Variants in ADAMTSL3 observed in about 807,000 individuals in gnomAD.
ADAMTSL3 encodes ADAMTS-like protein 3.
In ADAMTSL3, 128 loss-of-function variants were observed where a neutral mutation model predicts 201.7. That is an observed-to-expected ratio of 0.63 (90% CI 0.55 to 0.73). ADAMTSL3 has a LOEUF of 0.73. Ranked by LOEUF, ADAMTSL3 falls within the 30% of genes least tolerant of loss-of-function variation. The probability of loss-of-function intolerance (pLI) is 0.00; values close to 1 mark genes in which losing one functional copy is unlikely to be tolerated. For synonymous variants in ADAMTSL3, 738 were observed against 748.4 expected (o/e 0.99, Z 0.23); for missense variants, 1,990 against 2,119.6 (o/e 0.94, Z 1.20).
chr15:83,946,461 A>G (rs1486605457), intron 19 of ADAMTSL3, among the ~76,000 whole-genome samples: 1 of 152,138 alleles, frequency 6.6e-6, no homozygotes, highest in Non-Finnish European at 1.5e-5. Context: ...CAGTGACCCT[A>G]ATTTTTACTG....
rs577768133 is a variant in ADAMTSL3, at chr15:83,731,634, A to C, written c.189+27126A>C. Among the ~76,000 whole-genome samples the C allele has an allele frequency of 6.6e-5, 10 of 152,262 alleles. No homozygotes were observed. In the South Asian group the frequency reaches 2.1e-3, roughly 32 times the overall value. ...TGTTCATTGCAGTGTTATACTCAAT[A>C]GCCAAGATATGGCAATAACTTAAGT... On this transcript the variant is annotated intron_variant, in intron 3 of 29. Transcript: ENST00000286744.
chr15:84,006,631 A>G (rs1174234386), intron 23 of ADAMTSL3, among the ~76,000 whole-genome samples: 1 of 152,206 alleles, frequency 6.6e-6, no homozygotes, highest in African/African-American at 2.4e-5. Flanking sequence ...AATGTTGAAT[A>G]TATCAGAGCT....
rs2063377253 is a variant in ADAMTSL3, at chr15:83,793,561, C to G, written c.318-11089C>G. ...GTGCGATCTCTGCTCACTGCAGCCT[C>G]CGCCTCCCAGGTTCAAGCGATTCTC... On this transcript the variant is annotated intron_variant, in intron 4 of 29. Transcript: ENST00000286744. Among the ~76,000 whole-genome samples the G allele has an allele frequency of 2.0e-5, 3 of 152,198 alleles. No homozygotes were observed. The South Asian group carries it at 6.2e-4, about 32-fold the overall frequency.
intron 22 of ADAMTSL3, among the ~76,000 whole-genome samples, chr15:83,990,330 G>A (rs2067559725): frequency 6.6e-6 from 1 of 152,106 alleles, no homozygotes. Flanking sequence ...CCTGGCTGTG[G>A]CACCATATTC....
chr15:83,915,728 T>A (rs941704915), intron 16 of ADAMTSL3, among the ~76,000 whole-genome samples: 1 of 152,214 alleles, frequency 6.6e-6, no homozygotes, highest in South Asian at 2.1e-4. Context: ...GGACGTTGCA[T>A]GTAATGGGAT....
intron 3 of ADAMTSL3, among the ~76,000 whole-genome samples, chr15:83,735,222 A>G (rs534776498): frequency 6.6e-6 from 1 of 152,274 alleles, no homozygotes; most frequent in Non-Finnish European, 1.5e-5. Context: ...ATAAGACTAA[A>G]ATAAAAATAC....
At chr15:83,785,800 T>C (rs1014149423) in intron 4 of ADAMTSL3, among the ~76,000 whole-genome samples, 3 of 152,054 alleles carry the variant, frequency 2.0e-5, no homozygotes, top group African/African-American at 7.2e-5. Context: ...CCTCTTTTTT[T>C]TTTCTTTTTC....
chr15:84,014,257 A>T (rs2068050769), intron 23 of ADAMTSL3, among the ~76,000 whole-genome samples: 1 of 151,742 alleles, frequency 6.6e-6, no homozygotes, highest in Non-Finnish European at 1.5e-5. Flanking sequence ...CACCTTCAAA[A>T]TTCTCTCCCT....
At chr15:83,892,050 A>G (rs1276547694) in intron 12 of ADAMTSL3, among the ~76,000 whole-genome samples, 6 of 151,400 alleles carry the variant, frequency 4.0e-5, no homozygotes, top group Non-Finnish European at 8.8e-5. Context: ...CCCCATCTCT[A>G]CTAAAACGTA....
chr15:83,925,869 G>A (rs79043143), intron 17 of ADAMTSL3, among the ~76,000 whole-genome samples: 2,583 of 152,312 alleles, frequency 0.017, 85 homozygotes, highest in African/African-American at 0.056. Context: ...CAGTGAAGAT[G>A]GAAACAGATG....
In ADAMTSL3 at chr15:84,011,300, C is replaced by CA. The variant is rs530502138; in HGVS notation, c.3974-3235dup. Among the ~76,000 whole-genome samples, 635 of 151,996 alleles carry CA rather than the reference C, an allele frequency of 4.2e-3. 1 individual carries two copies. Among genetic ancestry groups the CA allele is most frequent in the African/African-American group, 0.014 (598 of 41,486 alleles). ...TAGAAATAGAAGGAAATTTATATAC[C>CA]AAAAAAAGCATCATGCTTAAGAAAG... On this transcript the variant is annotated intron_variant, in intron 23 of 29. Transcript: ENST00000286744.
At chr15:83,908,806 T>TGGGTC (rs1330364100) in intron 15 of ADAMTSL3, among the ~76,000 whole-genome samples, 1 of 152,158 alleles carries the variant, frequency 6.6e-6, no homozygotes, top group Non-Finnish European at 1.5e-5. Flanking sequence ...CACAGTTGAG[T>TGGGTC]GGGTCAGAAG....
intron 9 of ADAMTSL3, among the ~76,000 whole-genome samples, chr15:83,884,719 C>T (rs1029791896): frequency 2.0e-5 from 3 of 152,184 alleles, no homozygotes; most frequent in African/African-American, 7.2e-5. Flanking sequence ...AGAGTCTCCA[C>T]TATGTGCTAT....
intron 6 of ADAMTSL3, among the ~76,000 whole-genome samples, chr15:83,824,135 C>T (rs146940192): frequency 2.6e-5 from 4 of 151,804 alleles, no homozygotes; most frequent in African/African-American, 9.7e-5. Flanking sequence ...ACTCATCCTC[C>T]TGGGCTCAAT....
chr15:83,686,473 C>T (rs2061537577), intron 2 of ADAMTSL3, among the ~76,000 whole-genome samples: 1 of 152,162 alleles, frequency 6.6e-6, no homozygotes, highest in Non-Finnish European at 1.5e-5. Flanking sequence ...AACATTTGTG[C>T]TGTTTTATGG....
At chr15:83,900,846 A>C (rs2065709923) in intron 15 of ADAMTSL3, among the ~76,000 whole-genome samples, 1 of 152,206 alleles carries the variant, frequency 6.6e-6, no homozygotes, top group Non-Finnish European at 1.5e-5. Context: ...AAATATGAAG[A>C]AAGCTGCCAT....
intron 4 of ADAMTSL3, among the ~76,000 whole-genome samples, chr15:83,801,637 A>AATAT (rs1212487067): frequency 0.15 from 7,833 of 52,144 alleles, 950 homozygotes; most frequent in Middle Eastern, 0.31. Flanking sequence ...TATATATATA[A>AATAT]ATATATAAAT....
chr15:83,883,373 A>C (rs185650117), intron 9 of ADAMTSL3, among the ~76,000 whole-genome samples: 3 of 151,776 alleles, frequency 2.0e-5, no homozygotes, highest in Admixed American at 2.0e-4. Context: ...GGGTTTCACC[A>C]TGTTGGCCAG....
intron 20 of ADAMTSL3, among the ~76,000 whole-genome samples, chr15:83,974,868 ACCC>A (rs2067255324): frequency 6.6e-6 from 1 of 152,110 alleles, no homozygotes. Context: ...GGGAAGAGGA[ACCC>A]AGGCATGCCC....
Sources: allele counts gnomAD v4.1 joint callset (sites outside exome capture counted in the v4.1 genomes callset), GRCh38; gene constraint gnomAD v4.1.1; transcripts MANE v1.5; gene names NCBI Gene and HGNC (gene_info 2026-07-23, HGNC 2026-07-21).